The following RNF185 variants were observed in gnomAD, a reference collection of about 807,000 sequenced individuals.
RNF185 encodes the protein E3 ubiquitin-protein ligase RNF185.
Under a neutral mutation model 24.9 loss-of-function variants are expected in RNF185, and 13 were observed. The observed-to-expected ratio is 0.52, with a 90% CI of 0.34 to 0.83. RNF185 has a LOEUF of 0.83. Among genes scored for constraint, RNF185 ranks in the 40% least tolerant of loss-of-function variants. RNF185 has a pLI of 0.01. For synonymous variants in RNF185, 79 were observed against 90.3 expected, an observed-to-expected ratio of 0.88 and a Z score of 0.71; for missense variants, 184 against 244.7, an observed-to-expected ratio of 0.75 and a Z score of 1.65.
chr22:31,179,098 A>G (rs1380703434), intron 1 of RNF185, among the ~76,000 whole-genome samples: 2 of 152,200 alleles, frequency 1.3e-5, no homozygotes, highest in Non-Finnish European at 2.9e-5. Context: ...AGGAGAAAAG[A>G]ATGGTCAGGG....
chr22:31,160,618 A>G (rs1366304198), intron 1 of RNF185, among the ~76,000 whole-genome samples: 1 of 152,056 alleles, frequency 6.6e-6, no homozygotes, highest in South Asian at 2.1e-4. Flanking sequence ...AGTGCATTTC[A>G]CGAGTTTGCC....
chr22:31,201,369 A>C, intron 5 of RNF185, 129 bp from the exon 6 acceptor site: 1 of 736,336 alleles, frequency 1.4e-6, no homozygotes, highest in Non-Finnish European at 2.5e-6. Flanking sequence ...CACCTTCGAA[A>C]CATGTGGCAC....
intron 1 of RNF185, among the ~76,000 whole-genome samples, chr22:31,180,289 C>T (rs895253516): frequency 6.6e-6 from 1 of 151,978 alleles, no homozygotes; most frequent in African/African-American, 2.4e-5. Context: ...ATGGCGAAAC[C>T]CTGTCTCTAC....
At chr22:31,164,873 C>T (rs1040049911) in intron 1 of RNF185, among the ~76,000 whole-genome samples, 1 of 150,314 alleles carries the variant, frequency 6.7e-6, no homozygotes, top group Admixed American at 6.6e-5. Flanking sequence ...GGTGTGCCAC[C>T]ACACCCGGCC....
intron 1 of RNF185, among the ~76,000 whole-genome samples, chr22:31,176,476 T>A (rs1475741906): frequency 3.4e-5 from 5 of 149,124 alleles, no homozygotes; most frequent in African/African-American, 1.2e-4. Flanking sequence ...TTTTACATCC[T>A]GCTTTTTTCT....
At chr22:31,183,975 G>GC (rs61523979) in intron 1 of RNF185, among the ~76,000 whole-genome samples, 147,758 of 147,952 alleles carry the variant, frequency 1, 73,782 homozygotes, top group Middle Eastern at 1. Context: ...GGCGGGGGCT[G>GC]CCCCGAGCTC....
chr22:31,204,811 C>T lies in RNF185; in HGVS notation c.*225C>T. The T allele has an allele frequency of 2.0e-6, 1 of 490,852 alleles. No individual in the cohort carries two copies. The highest frequency in any genetic ancestry group is 1.9e-5 in the African/African-American group (1 of 51,884). 30.4% of individuals were successfully genotyped at this position (490,852 alleles called of 1,614,324 possible). On this transcript the variant is annotated 3_prime_UTR_variant, in exon 7 of 7. Coordinates refer to ENST00000326132, the MANE Select transcript of RNF185 (RefSeq NM_152267.4). ...AACACTCTATAACTTCAGGCCTTGG[C>T]ATTGAGTCATCTCTCATGGGTGACA...
At chr22:31,201,403 C>G in intron 5 of RNF185, 95 bp from the exon 6 acceptor site, 1 of 874,640 alleles carries the variant, frequency 1.1e-6, no homozygotes. Flanking sequence ...GAGGCAGGTG[C>G]CACATGCAAG....
Position 31,195,550 on chromosome 22 carries a change from G to A in RNF185, c.277G>A (p.Gly93Arg), listed in dbSNP as rs1412626582. ...CCGAGACAAGGTCATCCCCCTCTAT[G>A]GAAGGGGCAGCACTGGGCAACAGGA... Reference protein sequence around the residue: ...ISRDKVIPLYGRGSTGQQDPR... With the variant: ...ISRDKVIPLYRRGSTGQQDPR... Residue 93 changes from glycine (G) to arginine (R), a missense_variant, in exon 4 of 7, where the codon GGA (glycine) becomes AGA (arginine). By Grantham distance (125) the Gly-to-Arg change is moderately radical. Transcript: ENST00000326132. 1.9e-6 allele frequency: 3 copies of A among 1,609,804 alleles called. No individual in the cohort carries two copies. Among genetic ancestry groups the A allele is most frequent in the Non-Finnish European group, 2.5e-6 (3 of 1,178,052 alleles).
At chr22:31,168,450 C>T (rs1349405934) in intron 1 of RNF185, among the ~76,000 whole-genome samples, 1 of 152,198 alleles carries the variant, frequency 6.6e-6, no homozygotes, top group African/African-American at 2.4e-5. Flanking sequence ...ATGTATTTTG[C>T]TTATCCATTC....
In RNF185 at chr22:31,192,580, A is replaced by G. The variant is rs1730237173; in HGVS notation, c.177-104A>G. ...TTTACTCCTGTTTTCTCATTCTGCTACTACCACTCCACCCATCAAGTGTTT... is the reference window on the plus strand; with the variant it reads ...TTTACTCCTGTTTTCTCATTCTGCTGCTACCACTCCACCCATCAAGTGTTT... On this transcript the variant is annotated intron_variant, in intron 2 of 6. Transcript: ENST00000326132. 6 of 944,704 alleles carry G rather than the reference A, an allele frequency of 6.4e-6. No individual in the cohort carries two copies. The South Asian group carries it at 7.9e-5, about 12-fold the overall frequency. 58.5% of individuals were successfully genotyped at this position (944,704 alleles called of 1,614,324 possible).
At chr22:31,202,861 G>A (rs1462283045) in intron 6 of RNF185, among the ~76,000 whole-genome samples, 4 of 152,116 alleles carry the variant, frequency 2.6e-5, no homozygotes, top group East Asian at 1.9e-4. Context: ...TGATCCGCCC[G>A]CCTGGGCCTC....
chr22:31,204,508 G>A lies in RNF185; in HGVS notation c.501G>A (p.Gln167=), dbSNP rs1280406238. 2 of 1,610,460 alleles carry A rather than the reference G, an allele frequency of 1.2e-6. No homozygotes were observed. The highest frequency in any genetic ancestry group is 2.2e-5 in the East Asian group (1 of 44,878). ...RPPPAVPGTP[Q]YVDEQFLSRL... Reference sequence around the variant, plus strand: ...CTCCAGCTGTCCCTGGGACACCCCAGTATGTGGACGAGCAGTTCCTGTCAC... The same window carrying A: ...CTCCAGCTGTCCCTGGGACACCCCAATATGTGGACGAGCAGTTCCTGTCAC... The change falls in exon 7 of 7, where the codon CAG becomes CAA. Residue 167 remains glutamine, a synonymous_variant. Coordinates refer to ENST00000326132, the MANE Select transcript of RNF185 (RefSeq NM_152267.4).
intron 1 of RNF185, among the ~76,000 whole-genome samples, chr22:31,183,639 C>T (rs2048062379): frequency 6.6e-6 from 1 of 152,076 alleles, no homozygotes; most frequent in Admixed American, 6.6e-5. Flanking sequence ...CATCTTGCAC[C>T]GCCCTTAATC....
chr22:31,172,993 C>G (rs985649561), intron 1 of RNF185, among the ~76,000 whole-genome samples: 27 of 152,128 alleles, frequency 1.8e-4, no homozygotes, highest in African/African-American at 6.5e-4. Flanking sequence ...CTATTTTCCT[C>G]AGCTGTATTG....
chr22:31,196,033 C>T lies in RNF185; in HGVS notation c.308+452C>T, dbSNP rs867919238. Reference sequence around the variant, plus strand: ...CCCTTCATGGTCTGGCATCCCCAAGCTCTCCAGAAGAATCTCTTACCTTTA... The same window carrying T: ...CCCTTCATGGTCTGGCATCCCCAAGTTCTCCAGAAGAATCTCTTACCTTTA... On this transcript the variant is annotated intron_variant, in intron 4 of 6. Coordinates refer to ENST00000326132, the MANE Select transcript of RNF185 (RefSeq NM_152267.4). Among the ~76,000 whole-genome samples the T allele has an allele frequency of 2.0e-5, 3 of 152,306 alleles. No individual in the cohort carries two copies. In the South Asian group the frequency reaches 6.2e-4, roughly 32 times the overall value.
Position 31,188,936 on chromosome 22 carries a change from C to T in RNF185, c.176+1666C>T, listed in dbSNP as rs574118402. 4.1e-3 allele frequency among the ~76,000 whole-genome samples: 586 copies of T among 141,700 alleles called. 1 individual carries two copies. The highest frequency in any genetic ancestry group is 0.014 in the African/African-American group (533 of 37,946). 93.0% of individuals were successfully genotyped at this position (141,700 alleles called of 152,430 possible). Reference sequence around the variant, plus strand: ...GAGATCGAGACCATCCTGGCTAACACGGTGAAACCCGTTTCTACTAAAAAA... The same window carrying T: ...GAGATCGAGACCATCCTGGCTAACATGGTGAAACCCGTTTCTACTAAAAAA... On this transcript the variant is annotated intron_variant, in intron 2 of 6. Coordinates refer to ENST00000326132, the MANE Select transcript of RNF185 (RefSeq NM_152267.4).
intron 1 of RNF185, 119 bp downstream of exon 1, chr22:31,160,422 C>A (rs1923493124): frequency 6.6e-6 from 1 of 152,260 alleles, no homozygotes; most frequent in African/African-American, 2.4e-5. Flanking sequence ...GGCCCAGAGA[C>A]AGCAAGACCG....
chr22:31,201,429 T>G, intron 5 of RNF185, 69 bp from the exon 6 acceptor site: 1 of 1,099,948 alleles, frequency 9.1e-7, no homozygotes, highest in Non-Finnish European at 1.4e-6. Flanking sequence ...GTGAGGTATG[T>G]TGAGTTTTGA....
Sources: gnomAD v4.1 joint callset for allele counts (sites outside exome capture counted in the v4.1 genomes callset) on GRCh38, gnomAD v4.1.1 for gene constraint, MANE v1.5 for transcripts, NCBI Gene and HGNC (gene_info 2026-07-23, HGNC 2026-07-21) for gene names.